ARHGEF16: variants seen among roughly 807,000 people sequenced by gnomAD.
The protein encoded by ARHGEF16 is Rho guanine exchange factor (GEF) 16.
In ARHGEF16, 59 loss-of-function variants were observed where a neutral mutation model predicts 74.1. The observed-to-expected ratio is 0.80, with a 90% CI of 0.65 to 0.99. ARHGEF16 has a LOEUF of 0.99. Among genes scored for constraint, ARHGEF16 ranks in the 50% least tolerant of loss-of-function variants. The pLI is 0.00. For synonymous variants in ARHGEF16, 415 were observed against 412.6 expected, an observed-to-expected ratio of 1.01 and a Z score of -0.07; for missense variants, 948 against 986.6, an observed-to-expected ratio of 0.96 and a Z score of 0.52.
At chr1:3,468,123 G>A (rs1438458630) in intron 4 of ARHGEF16, among the ~76,000 whole-genome samples, 1 of 152,220 alleles carries the variant, frequency 6.6e-6, no homozygotes, top group Non-Finnish European at 1.5e-5. Flanking sequence ...CCTGCTGGGA[G>A]CTGGGGGCGT....
intron 9 of ARHGEF16, 29 bp downstream of exon 9, chr1:3,474,811 C>A: frequency 6.2e-7 from 1 of 1,607,640 alleles, no homozygotes; most frequent in Non-Finnish European, 8.5e-7. Context: ...CCAGCCCTAC[C>A]CGAGTCCTGT....
intron 12 of ARHGEF16, 54 bp downstream of exon 12, chr1:3,478,666 G>T: frequency 6.5e-7 from 1 of 1,527,758 alleles, no homozygotes; most frequent in Non-Finnish European, 8.8e-7. Flanking sequence ...TTAGCTCCAT[G>T]GGGACCGGGT....
chr1:3,480,128 G>A (rs1640015504), intron 14 of ARHGEF16, among the ~76,000 whole-genome samples: 1 of 152,188 alleles, frequency 6.6e-6, no homozygotes, highest in African/African-American at 2.4e-5. Context: ...GGAGGAGGAG[G>A]TGTCTCTGCC....
chr1:3,466,078 G>C (rs1191680314), intron 2 of ARHGEF16, 70 bp from the exon 3 acceptor site: 1 of 1,518,176 alleles, frequency 6.6e-7, no homozygotes, highest in Non-Finnish European at 8.9e-7. Flanking sequence ...TGGGGTCCCA[G>C]GGCAGAATCG....
chr1:3,473,308 C>T (rs1639789358), intron 7 of ARHGEF16, 78 bp downstream of exon 7: 5 of 1,581,730 alleles, frequency 3.2e-6, no homozygotes, highest in Non-Finnish European at 3.4e-6. Flanking sequence ...CATTCCTGCT[C>T]CCAGCCCAGC....
In ARHGEF16 at chr1:3,467,184, G is replaced by A. The variant is rs1306605056; in HGVS notation, c.651G>A (p.Gln217=). ...TCTCTCTAGACCCCCAGCTCTACCA[G>A]GAGATCCAGGAGCGGGGCCTGAACA... ...GSFKDDPQLY[Q]EIQERGLNTS... The change falls in exon 4 of 15, where the codon CAG becomes CAA. Residue 217 remains glutamine, a synonymous_variant. Transcript: ENST00000378378. 4 of 1,550,402 alleles carry A rather than the reference G, an allele frequency of 2.6e-6. No individual in the cohort carries two copies. The African/African-American group carries it at 5.5e-5, about 21-fold the overall frequency.
chr1:3,474,818 C>T (rs1192318196), intron 9 of ARHGEF16, 36 bp downstream of exon 9: 1 of 1,601,468 alleles, frequency 6.2e-7, no homozygotes, highest in Non-Finnish European at 8.5e-7. Context: ...TACCCGAGTC[C>T]TGTACCCCGA....
intron 1 of ARHGEF16, among the ~76,000 whole-genome samples, chr1:3,462,581 T>A (rs1639425915): frequency 1.3e-5 from 2 of 152,106 alleles, no homozygotes; most frequent in Non-Finnish European, 2.9e-5. Context: ...CCATGACCCT[T>A]GCGTTCACCA....
At position 3,463,082 on chromosome 1, in the gene ARHGEF16, A is replaced by G; in HGVS notation, c.-3A>G. 1 of 1,448,722 alleles carries G rather than the reference A, an allele frequency of 6.9e-7. No individual in the cohort carries two copies. The highest frequency in any genetic ancestry group is 9.1e-7 in the Non-Finnish European group (1 of 1,096,640). The allele number at this position is 1,448,722 out of a possible 1,614,324, so 89.7% of individuals were successfully genotyped here. A position where few individuals can be genotyped will look rare whatever the true frequency, so the allele number is the denominator to read the frequency against. ...TTCCCCCAGGACCCCACAGCCGCCC[A>G]GCATGGCCCAGCGGCACTCAGACAG... On this transcript the variant is annotated 5_prime_UTR_variant, in exon 2 of 15. Coordinates refer to ENST00000378378, the MANE Select transcript of ARHGEF16 (RefSeq NM_014448.4).
At chr1:3,473,757 C>T (rs764193809) in intron 8 of ARHGEF16, 35 of 684,436 alleles carry the variant, frequency 5.1e-5, no homozygotes, top group Non-Finnish European at 8.1e-5. Context: ...GATTTGTGTT[C>T]ACTTACTCAA....
rs373756205 is a variant in ARHGEF16 at position 3,475,882 on chromosome 1, G to A, written c.1381-88G>A. On this transcript the variant is annotated intron_variant, in intron 9 of 14. Coordinates refer to ENST00000378378, the MANE Select transcript of ARHGEF16 (RefSeq NM_014448.4). ...ACTGTGGGCAGCCAGAGGCTGGCTG[G>A]GCAGGTGTCCTGGGCACACTGTGGG... 806 of 1,340,712 alleles carry A rather than the reference G, an allele frequency of 6.0e-4. 9 individuals carry two copies. In the South Asian group the frequency reaches 0.011, roughly 18 times the overall value. 83.1% of individuals were successfully genotyped at this position (1,340,712 alleles called of 1,614,324 possible).
chr1:3,461,262 G>C (rs931569853), intron 1 of ARHGEF16, among the ~76,000 whole-genome samples: 1 of 152,222 alleles, frequency 6.6e-6, no homozygotes, highest in African/African-American at 2.4e-5. Context: ...CTGAGCATAG[G>C]GAGCATGAGC....
intron 9 of ARHGEF16, 74 bp downstream of exon 9, chr1:3,474,856 C>A (rs1478735699): frequency 7.3e-7 from 1 of 1,368,988 alleles, no homozygotes; most frequent in African/African-American, 1.4e-5. Context: ...CCCACCCTAC[C>A]CGATGGCATA....
chr1:3,456,297 G>A (rs1639263032), intron 1 of ARHGEF16, among the ~76,000 whole-genome samples: 2 of 152,240 alleles, frequency 1.3e-5, no homozygotes, highest in African/African-American at 4.8e-5. Flanking sequence ...CATGTGACGC[G>A]CAGGTCCCCA....
rs1640026903 is a variant in ARHGEF16, at chr1:3,480,501, G to T, written c.2044G>T (p.Asp682Tyr). ...RDGETGWFPE[D>Y]FARFITSRVA... Reference sequence around the variant, plus strand: ...CGGAGAGACGGGATGGTTCCCCGAGGACTTTGCCCGCTTCATCACCAGCCG... The same window carrying T: ...CGGAGAGACGGGATGGTTCCCCGAGTACTTTGCCCGCTTCATCACCAGCCG... The change falls in exon 15 of 15, where the codon GAC becomes TAC. Residue 682 changes from aspartate to tyrosine, a missense_variant. By Grantham distance (160) the Asp-to-Tyr change is radical. Coordinates refer to ENST00000378378, the MANE Select transcript of ARHGEF16 (RefSeq NM_014448.4). 1 of 1,612,472 alleles carries T rather than the reference G, an allele frequency of 6.2e-7. No homozygotes were observed. The highest frequency in any genetic ancestry group is 1.7e-5 in the Admixed American group (1 of 60,006).
intron 7 of ARHGEF16, 78 bp from the exon 8 acceptor site, chr1:3,473,315 C>G: frequency 6.3e-7 from 1 of 1,579,346 alleles, no homozygotes; most frequent in Admixed American, 1.7e-5. Flanking sequence ...GCTCCCAGCC[C>G]AGCTTCTGCA....
chr1:3,464,505 G>A (rs1036624476), intron 2 of ARHGEF16, among the ~76,000 whole-genome samples: 5 of 152,164 alleles, frequency 3.3e-5, no homozygotes, highest in Non-Finnish European at 2.9e-5. Context: ...TAGGGGAGGC[G>A]AGCTGCCCTG....
rs1396065397 is a variant in ARHGEF16 at position 3,463,360 on chromosome 1, C to T, written c.276C>T (p.Ser92=). ...GCACCCAACAGCTGATCCCTAAGAGCCTGGCTGTGGCCAGCAAGGCAAAGA... is the reference window on the plus strand; with the variant it reads ...GCACCCAACAGCTGATCCCTAAGAGTCTGGCTGTGGCCAGCAAGGCAAAGA... The part of the protein sequence containing the change: ...KLGTQQLIPK[S]LAVASKAKTP... Residue 92 remains serine (S), a synonymous_variant, in exon 2 of 15, where the codon AGC becomes AGT. Coordinates refer to ENST00000378378, the MANE Select transcript of ARHGEF16 (RefSeq NM_014448.4). 6.5e-7 allele frequency: 1 copy of T among 1,550,118 alleles called. No individual in the cohort carries two copies. Among genetic ancestry groups the T allele is most frequent in the African/African-American group, 1.4e-5 (1 of 73,038 alleles).
chr1:3,467,438 C>A, intron 4 of ARHGEF16, 101 bp downstream of exon 4: 1 of 1,349,738 alleles, frequency 7.4e-7, no homozygotes, highest in Non-Finnish European at 9.9e-7. Context: ...TCCCCAGCAG[C>A]AGCCCAGTCC....
Sources: allele counts gnomAD v4.1 joint callset (sites outside exome capture counted in the v4.1 genomes callset), GRCh38; gene constraint gnomAD v4.1.1; transcripts MANE v1.5; gene names NCBI Gene and HGNC (gene_info 2026-07-23, HGNC 2026-07-21).